SMAD2: variants seen among roughly 807,000 people sequenced by gnomAD.
SMAD2 encodes MAD homolog 2.
A neutral mutation model predicts 64.4 loss-of-function variants in SMAD2; 8 were observed. The observed-to-expected ratio is 0.12, with a 90% CI of 0.07 to 0.22. The LOEUF is 0.22. SMAD2 is among the 10% of genes least tolerant of loss of function. SMAD2 has a pLI of 1.00. For missense variants in SMAD2, 289 were observed against 561.2 expected (o/e 0.51, Z 4.90); for synonymous variants, 203 against 195.8 (o/e 1.04, Z -0.31).
Position 47,896,739 on chromosome 18 carries a change from T to C in SMAD2, c.18A>G (p.Pro6=), listed in dbSNP as rs1266511911. 5 of 1,613,966 alleles carry C rather than the reference T, an allele frequency of 3.1e-6. No individual in the cohort carries two copies. The highest frequency in any genetic ancestry group is 4.2e-6 in the Non-Finnish European group (5 of 1,179,950). MSSIL[P]FTPPVVKRLL... is the part of the protein sequence containing the mutation. ...GTCTCTTCACAACTGGCGGCGTGAA[T>C]GGCAAGATGGACGACATGTTCTTAC... Residue 6 remains proline, a synonymous_variant, in exon 2 of 11, where the codon CCA becomes CCG. Coordinates refer to ENST00000262160, the MANE Select transcript of SMAD2 (RefSeq NM_005901.6).
chr18:47,887,210 T>G (rs1160788287), intron 2 of SMAD2, among the ~76,000 whole-genome samples: 1 of 152,198 alleles, frequency 6.6e-6, no homozygotes, highest in Admixed American at 6.5e-5. Context: ...CCTAGTCATA[T>G]CCAGATATTT....
intron 1 of SMAD2, among the ~76,000 whole-genome samples, chr18:47,924,801 A>G (rs2034699347): frequency 1.3e-5 from 2 of 152,212 alleles, no homozygotes; most frequent in Non-Finnish European, 2.9e-5. Context: ...CGTGATGAGG[A>G]TGGAACGTTT....
intron 7 of SMAD2, among the ~76,000 whole-genome samples, chr18:47,850,224 A>AAT (rs1568039805): frequency 3.6e-5 from 2 of 55,740 alleles, no homozygotes; most frequent in African/African-American, 1.4e-4. Context: ...ATATATGTAT[A>AAT]ATATATATTA....
intron 2 of SMAD2, among the ~76,000 whole-genome samples, chr18:47,876,103 A>T (rs2032246989): frequency 6.6e-6 from 1 of 152,062 alleles, no homozygotes; most frequent in African/African-American, 2.4e-5. Context: ...ATGTTAAACT[A>T]AGACTACTTG....
rs796672642 is a variant in SMAD2 at position 47,861,344 on chromosome 18, A to G, written c.730+3715T>C. ...CTTCTCAAAAAACAATCAAACAAAA[A>G]AAAACTGTCCTTATCAACAGATGAC... On this transcript the variant is annotated intron_variant, in intron 6 of 10. Transcript: ENST00000262160. Among the ~76,000 whole-genome samples, 6 of 152,170 alleles carry G rather than the reference A, an allele frequency of 3.9e-5. No homozygotes were observed. The South Asian group carries it at 1.2e-3, about 31-fold the overall frequency.
chr18:47,869,994 C>T (rs1001250100), intron 3 of SMAD2, among the ~76,000 whole-genome samples: 7 of 151,426 alleles, frequency 4.6e-5, no homozygotes, highest in African/African-American at 1.7e-4. Context: ...ATGAAATGAA[C>T]AAATACCATA....
chr18:47,858,311 A>T (rs2030892376), intron 6 of SMAD2, among the ~76,000 whole-genome samples: 1 of 152,202 alleles, frequency 6.6e-6, no homozygotes, highest in Non-Finnish European at 1.5e-5. Flanking sequence ...TAATTGGATT[A>T]AGAGCAGACT....
intron 1 of SMAD2, chr18:47,912,557 G>C (rs996780152): frequency 6.6e-6 from 1 of 152,360 alleles, no homozygotes; most frequent in African/African-American, 2.4e-5. Context: ...CAGTGTACAA[G>C]TAAGAGTGTG....
At chr18:47,900,572 AG>A (rs749051033) in intron 1 of SMAD2, among the ~76,000 whole-genome samples, 1 of 152,090 alleles carries the variant, frequency 6.6e-6, no homozygotes, top group Non-Finnish European at 1.5e-5. Flanking sequence ...ACTTTTTCTT[AG>A]CTTTGTCAAT....
Position 47,817,566 on chromosome 18 carries a change from G to C in SMAD2, c.*24261C>G, listed in dbSNP as rs1912414416. ...TCCTCCTGCCTTGGCCTCCCAAAGT[G>C]CTGGGATTACAGGCATGGGCCACTG... On this transcript the variant is annotated 3_prime_UTR_variant, in exon 11 of 11. Coordinates refer to ENST00000262160, the MANE Select transcript of SMAD2 (RefSeq NM_005901.6). The C allele has an allele frequency of 6.5e-6, 1 of 152,742 alleles. No homozygotes were observed. Among genetic ancestry groups the C allele is most frequent in the Non-Finnish European group, 1.5e-5 (1 of 68,534 alleles). The allele number at this position is 152,742 out of a possible 1,614,324, so 9.5% of individuals were successfully genotyped here. A position where few individuals can be genotyped will look rare whatever the true frequency, so the allele number is the denominator to read the frequency against.
At chr18:47,871,161 C>A (rs1016430323) in intron 2 of SMAD2, among the ~76,000 whole-genome samples, 38 of 152,260 alleles carry the variant, frequency 2.5e-4, no homozygotes, top group Admixed American at 1.2e-3. Flanking sequence ...AGAATATGGG[C>A]AGCTCAGAGA....
At chr18:47,895,326 C>T (rs2033390523) in intron 2 of SMAD2, 1 of 152,250 alleles carries the variant, frequency 6.6e-6, no homozygotes. Flanking sequence ...CAGTTGGCTG[C>T]TGCTTCTCCA....
rs1467884390 is a variant in SMAD2, at chr18:47,816,613, C to T, written c.*25214G>A. Reference sequence around the variant, plus strand: ...CAAAATACTTTTGCCTAGCCACTGCCTGTCCAACTTCAGAGTGGCACCACC... The same window carrying T: ...CAAAATACTTTTGCCTAGCCACTGCTTGTCCAACTTCAGAGTGGCACCACC... On this transcript the variant is annotated 3_prime_UTR_variant, in exon 11 of 11. Transcript: ENST00000262160. 1 of 152,208 alleles carries T rather than the reference C, an allele frequency of 6.6e-6. No individual in the cohort carries two copies. Among genetic ancestry groups the T allele is most frequent in the East Asian group, 1.9e-4 (1 of 5,198 alleles). 9.4% of individuals were successfully genotyped at this position (152,208 alleles called of 1,614,324 possible).
rs1913572211 is a variant in SMAD2 at position 47,837,797 on chromosome 18, TAA to T, written c.*4028_*4029del. 4.3e-6 allele frequency: 1 copy of T among 232,902 alleles called. No individual in the cohort carries two copies. The highest frequency in any genetic ancestry group is 8.5e-6 in the Non-Finnish European group (1 of 117,836). The allele number at this position is 232,902 out of a possible 1,614,324, so 14.4% of individuals were successfully genotyped here. A position where few individuals can be genotyped will look rare whatever the true frequency, so the allele number is the denominator to read the frequency against. Reference sequence around the variant, plus strand: ...TGTTCATGTCCACAGACTAGATATCTAAAGAGATACTTGGTGGGCAGGGGCTT... The same window carrying T: ...TGTTCATGTCCACAGACTAGATATCTAGAGATACTTGGTGGGCAGGGGCTT... On this transcript the variant is annotated 3_prime_UTR_variant, in exon 11 of 11. Coordinates refer to ENST00000262160, the MANE Select transcript of SMAD2 (RefSeq NM_005901.6).
intron 1 of SMAD2, among the ~76,000 whole-genome samples, chr18:47,913,922 A>G (rs2034238556): frequency 6.6e-6 from 1 of 152,250 alleles, no homozygotes; most frequent in African/African-American, 2.4e-5. Flanking sequence ...AAAAGAACAC[A>G]AAGACTATCT....
rs1415183867 is a variant in SMAD2, at chr18:47,812,402, T to C, written c.*29425A>G. 6.6e-6 allele frequency: 1 copy of C among 152,156 alleles called. No homozygotes were observed. Among genetic ancestry groups the C allele is most frequent in the Non-Finnish European group, 1.5e-5 (1 of 68,040 alleles). The allele number at this position is 152,156 out of a possible 1,614,324, so 9.4% of individuals were successfully genotyped here. A position where few individuals can be genotyped will look rare whatever the true frequency, so the allele number is the denominator to read the frequency against. On this transcript the variant is annotated 3_prime_UTR_variant, in exon 11 of 11. Transcript: ENST00000262160. ...AAATTACCCAGTCTCCGGTATCTCT[T>C]TATTAGCCGCGTGAGATCAGACTAA... is the stretch of plus-strand genomic sequence containing the variant.
At chr18:47,899,643 G>C (rs116514754) in intron 1 of SMAD2, among the ~76,000 whole-genome samples, 114 of 152,270 alleles carry the variant, frequency 7.5e-4, no homozygotes, top group African/African-American at 2.7e-3. Context: ...GACCTAAAAA[G>C]AGCCATTAAA....
intron 1 of SMAD2, among the ~76,000 whole-genome samples, chr18:47,901,119 T>C (rs1315355319): frequency 6.6e-6 from 1 of 152,146 alleles, no homozygotes; most frequent in African/African-American, 2.4e-5. Flanking sequence ...TATATGTGCA[T>C]CCATTGTGAT....
intron 2 of SMAD2, among the ~76,000 whole-genome samples, chr18:47,871,507 C>T (rs2144388079): frequency 6.6e-6 from 1 of 152,312 alleles, no homozygotes; most frequent in Middle Eastern, 3.4e-3. Flanking sequence ...GCAACAGAAC[C>T]ACCTGGCATC....
Sources: allele counts gnomAD v4.1 joint callset (sites outside exome capture counted in the v4.1 genomes callset), GRCh38; gene constraint gnomAD v4.1.1; transcripts MANE v1.5; gene names NCBI Gene and HGNC (gene_info 2026-07-23, HGNC 2026-07-21).